The following ATP2A3 variants were observed in gnomAD, a reference collection of about 807,000 sequenced individuals.
ATP2A3 encodes ATPase sarcoplasmic/endoplasmic reticulum Ca2+ transporting 3.
Under a neutral mutation model 106.8 loss-of-function variants are expected in ATP2A3, and 61 were observed. The observed-to-expected ratio is 0.57, with a 90% CI of 0.46 to 0.71. The LOEUF (loss-of-function observed/expected upper bound fraction) is 0.71, where lower values mean the gene tolerates loss of function less well. Among genes scored for constraint, ATP2A3 ranks in the 30% least tolerant of loss-of-function variants. ATP2A3 has a pLI of 0.00. For synonymous variants in ATP2A3, 611 were observed against 609.3 expected (o/e 1.00, Z -0.04); for missense variants, 1,201 against 1,423.5 (o/e 0.84, Z 2.52).
Position 3,946,249 on chromosome 17 carries a change from A to AG in ATP2A3, c.1096-1102_1096-1101insC, listed in dbSNP as rs1469147588. ...CAGAGTGAGACTCCATCTCAAAAAAAAAAAAAAAAAAATTTATTAGGGCCG... is the reference window on the plus strand; with the variant it reads ...CAGAGTGAGACTCCATCTCAAAAAAAGAAAAAAAAAAAATTTATTAGGGCCG... On this transcript the variant is annotated intron_variant, in intron 8 of 20. Coordinates refer to ENST00000397041, the MANE Select transcript of ATP2A3 (RefSeq NM_005173.4). 2.0e-5 allele frequency among the ~76,000 whole-genome samples: 3 copies of AG among 151,442 alleles called. No individual in the cohort carries two copies. In the East Asian group the frequency reaches 5.8e-4, roughly 29 times the overall value.
At chr17:3,951,559 T>TG (rs2144651119) in intron 4 of ATP2A3, 22 bp downstream of exon 4, 4 of 596,240 alleles carry the variant, frequency 6.7e-6, no homozygotes, top group Admixed American at 3.9e-5. Flanking sequence ...CCCCGCCCGG[T>TG]CCCACCCCCA....
In ATP2A3 at chr17:3,947,115, C is replaced by T. The variant is rs2054158009; in HGVS notation, c.1095+276G>A. On this transcript the variant is annotated intron_variant, in intron 8 of 20. Transcript: ENST00000397041. This position sits in a 1 kb window ranked among gnomAD's most constrained non-coding sequence, Gnocchi z 7.7. ...CGTTTACCTAGCAGGGCTCACACAG[C>T]CAGGCTTCCAATGAGGAGACTGAGG... Among the ~76,000 whole-genome samples, 2 of 152,240 alleles carry T rather than the reference C, an allele frequency of 1.3e-5. No individual in the cohort carries two copies. Among genetic ancestry groups the T allele is most frequent in the Non-Finnish European group, 2.9e-5 (2 of 68,042 alleles).
rs1258314904 is a variant in ATP2A3, at chr17:3,926,359, C to T, written c.2981-918G>A. On this transcript the variant is annotated intron_variant, in intron 20 of 20. Transcript: ENST00000397041. This position sits in a 1 kb window ranked among gnomAD's most constrained non-coding sequence, Gnocchi z 4.6. ...CTGGGCTTCCAGTGAGCACATTCCTCGGGGTGCCTCCACCCCACCCCTCAG... is the reference window on the plus strand; with the variant it reads ...CTGGGCTTCCAGTGAGCACATTCCTTGGGGTGCCTCCACCCCACCCCTCAG... 2.6e-5 allele frequency among the ~76,000 whole-genome samples: 4 copies of T among 152,170 alleles called. No homozygotes were observed. The highest frequency in any genetic ancestry group is 4.1e-4 in the South Asian group (2 of 4,834).
chr17:3,926,645 C>T lies in ATP2A3; in HGVS notation c.2981-1204G>A, dbSNP rs2052720903. Among the ~76,000 whole-genome samples the T allele has an allele frequency of 6.6e-6, 1 of 152,222 alleles. No homozygotes were observed. The highest frequency in any genetic ancestry group is 6.5e-5 in the Admixed American group (1 of 15,282). The stretch of plus-strand genomic sequence containing the variant: ...AGTGCAGTAGCTCAATCTCAGCTCA[C>T]TGCAACCTCCACCTCCCAGGTTCAA... On this transcript the variant is annotated intron_variant, in intron 20 of 20. Transcript: ENST00000397041. This position sits in a 1 kb window ranked among gnomAD's most constrained non-coding sequence, Gnocchi z 4.6.
Position 3,935,271 on chromosome 17 carries a change from A to G in ATP2A3, c.2531T>C (p.Val844Ala). Reference protein sequence around the residue: ...FFRYLAIGVYVGLATVAAATW... With the variant: ...FFRYLAIGVYAGLATVAAATW... ...GGCGGCAGCCACTGTGGCCAGGCCT[A>G]CGTACACTGCGGGGAAGGGAGGAGA... is the stretch of plus-strand genomic sequence containing the variant. The change falls in exon 17 of 21, where the codon GTA (valine) becomes GCA (alanine). Residue 844 changes from valine to alanine, a missense_variant. Transcript: ENST00000397041. The G allele has an allele frequency of 1.2e-6, 2 of 1,613,652 alleles. No homozygotes were observed. Among genetic ancestry groups the G allele is most frequent in the Non-Finnish European group, 1.7e-6 (2 of 1,179,964 alleles).
intron 5 of ATP2A3, 86 bp from the exon 6 acceptor site, chr17:3,950,859 G>T: frequency 7.4e-7 from 1 of 1,354,368 alleles, no homozygotes. Flanking sequence ...ACCCAAGGCT[G>T]GGGCTGGGCG....
chr17:3,932,572 T>C (rs1157697551), intron 17 of ATP2A3, among the ~76,000 whole-genome samples: 1 of 152,206 alleles, frequency 6.6e-6, no homozygotes, highest in Non-Finnish European at 1.5e-5. Context: ...CCCAAGTAGC[T>C]GAGACTCCAG....
chr17:3,943,900 G>A (rs149966760), intron 10 of ATP2A3, among the ~76,000 whole-genome samples: 21 of 151,990 alleles, frequency 1.4e-4, no homozygotes, highest in Admixed American at 9.2e-4. Context: ...CTTGTTCCCC[G>A]GGGACCCCTC....
intron 10 of ATP2A3, among the ~76,000 whole-genome samples, chr17:3,943,731 C>T (rs570478746): frequency 2.0e-5 from 3 of 152,286 alleles, no homozygotes; most frequent in South Asian, 2.1e-4. Flanking sequence ...TGGCATTGAT[C>T]GCCACACACC....
chr17:3,951,310 T>C lies in ATP2A3; in HGVS notation c.404A>G (p.Lys135Arg). The change falls in exon 5 of 21, where the codon AAG becomes AGG. Residue 135 changes from lysine to arginine, a missense_variant. Transcript: ENST00000397041. Reference protein sequence around the residue: ...EMGKVIRSDRKGVQRIRARDI... With the variant: ...EMGKVIRSDRRGVQRIRARDI... ...CCGGGCACGGATCCTCTGCACGCCC[T>C]TGCGGTCCGAGCGGATCACCTTGCC... is the stretch of plus-strand genomic sequence containing the variant. 6.2e-7 allele frequency: 1 copy of C among 1,613,922 alleles called. No homozygotes were observed. The highest frequency in any genetic ancestry group is 1.1e-5 in the South Asian group (1 of 91,084).
Position 3,929,180 on chromosome 17 carries a change from C to T in ATP2A3, c.2862+148G>A. 1 of 726,976 alleles carries T rather than the reference C, an allele frequency of 1.4e-6. No homozygotes were observed. The highest frequency in any genetic ancestry group is 2.2e-6 in the Non-Finnish European group (1 of 445,396). 45.0% of individuals were successfully genotyped at this position (726,976 alleles called of 1,614,324 possible). A position where few individuals can be genotyped will look rare whatever the true frequency, so the allele number is the denominator to read the frequency against. On this transcript the variant is annotated intron_variant, in intron 19 of 20. Coordinates refer to ENST00000397041, the MANE Select transcript of ATP2A3 (RefSeq NM_005173.4). The surrounding 1 kb of genome is among the most constrained non-coding windows in gnomAD (Gnocchi z 4.3). ...GGTCTGGGAGCTCCTGAAGGTGGGG[C>T]CACAGCTGGAGGTGGTGGCTGGCCA...
At chr17:3,951,739 T>C in intron 3 of ATP2A3, 54 bp from the exon 4 acceptor site, 1 of 1,518,216 alleles carries the variant, frequency 6.6e-7, no homozygotes, top group African/African-American at 1.4e-5. Context: ...AGATCTGCTC[T>C]CCTTTTCCTT....
Position 3,937,640 on chromosome 17 carries a change from T to C in ATP2A3, c.2101-4A>G. Reference sequence around the variant, plus strand: ...CGTCGTTCACTCCATCGCCAGTCTGTGGGCCAGGTCAGGTAGGGCTGTGCC... The same window carrying C: ...CGTCGTTCACTCCATCGCCAGTCTGCGGGCCAGGTCAGGTAGGGCTGTGCC... On this transcript the variant is annotated splice_region_variant and splice_polypyrimidine_tract_variant and intron_variant, in intron 14 of 20. Coordinates refer to ENST00000397041, the MANE Select transcript of ATP2A3 (RefSeq NM_005173.4). 6.2e-7 allele frequency: 1 copy of C among 1,613,428 alleles called. No homozygotes were observed.
Position 3,926,665 on chromosome 17 carries a change from G to A in ATP2A3, c.2981-1224C>T, listed in dbSNP as rs1312588304. 6.6e-6 allele frequency among the ~76,000 whole-genome samples: 1 copy of A among 152,174 alleles called. No individual in the cohort carries two copies. The highest frequency in any genetic ancestry group is 1.5e-5 in the Non-Finnish European group (1 of 68,022). On this transcript the variant is annotated intron_variant, in intron 20 of 20. Transcript: ENST00000397041. This position sits in a 1 kb window ranked among gnomAD's most constrained non-coding sequence, Gnocchi z 4.6. The stretch of plus-strand genomic sequence containing the variant: ...GCTCACTGCAACCTCCACCTCCCAG[G>A]TTCAAGTGATTCTCCTGCCTCAGCC...
Position 3,947,371 on chromosome 17 carries a change from C to T in ATP2A3, c.1095+20G>A. On this transcript the variant is annotated intron_variant, in intron 8 of 20. Coordinates refer to ENST00000397041, the MANE Select transcript of ATP2A3 (RefSeq NM_005173.4). The surrounding 1 kb of genome is among the most constrained non-coding windows in gnomAD (Gnocchi z 7.7). ...GCCTGCTCTGCAACGCACAGCAACA[C>T]CAAGCTGGCCGTCACTCACCCGGCA... The T allele has an allele frequency of 2.5e-6, 4 of 1,613,572 alleles. No homozygotes were observed. Among genetic ancestry groups the T allele is most frequent in the Non-Finnish European group, 3.4e-6 (4 of 1,180,012 alleles).
intron 1 of ATP2A3, among the ~76,000 whole-genome samples, chr17:3,963,384 C>T (rs1158348571): frequency 6.6e-6 from 1 of 152,262 alleles, no homozygotes; most frequent in Non-Finnish European, 1.5e-5. Flanking sequence ...ATTTTCCACC[C>T]TCATGGGACC....
intron 1 of ATP2A3, among the ~76,000 whole-genome samples, chr17:3,961,014 C>G (rs1423454355): frequency 6.6e-6 from 1 of 152,122 alleles, no homozygotes; most frequent in African/African-American, 2.4e-5. Flanking sequence ...ACTAGGAAGC[C>G]CCACCGTGCT....
rs73329001 is a variant in ATP2A3 at position 3,929,477 on chromosome 17, G to A, written c.2745-32C>T. The A allele has an allele frequency of 0.011, 17,826 of 1,558,618 alleles. 1,705 individuals are homozygous for A. In the African/African-American group the frequency reaches 0.21, roughly 19 times the overall value. On this transcript the variant is annotated intron_variant, in intron 18 of 20. Coordinates refer to ENST00000397041, the MANE Select transcript of ATP2A3 (RefSeq NM_005173.4). This position sits in a 1 kb window ranked among gnomAD's most constrained non-coding sequence, Gnocchi z 4.3. The stretch of plus-strand genomic sequence containing the variant: ...GGGCACAGGGTGCTCCCCTTAGGCC[G>A]GGGTGCAGGGAGGCCCTGCCAGGCA...
chr17:3,937,347 G>T, intron 15 of ATP2A3, 69 bp downstream of exon 15: 2 of 1,524,280 alleles, frequency 1.3e-6, no homozygotes, highest in East Asian at 2.4e-5. Flanking sequence ...CCGAGGAACA[G>T]GCGTTTTCCC....
Sources: gnomAD v4.1 joint callset for allele counts (sites outside exome capture counted in the v4.1 genomes callset) on GRCh38, gnomAD v4.1.1 for gene constraint, Gnocchi (gnomAD v3.1) non-coding constraint, MANE v1.5 for transcripts, NCBI Gene and HGNC (gene_info 2026-07-23, HGNC 2026-07-21) for gene names.